Variants in WWOX observed in about 807,000 individuals in gnomAD.
WWOX encodes WW domain-containing oxidoreductase.
WWOX carries 69 observed loss-of-function variants against 46.2 expected under a neutral mutation model. The observed-to-expected ratio is 1.49, with a 90% CI of 1.23 to 1.82. The LOEUF (loss-of-function observed/expected upper bound fraction) is 1.82, where lower values mean the gene tolerates loss of function less well. Among genes scored for constraint, WWOX ranks in the 40% most tolerant of loss-of-function variants. The pLI is 0.00. For synonymous variants in WWOX, 359 were observed against 202.6 expected (o/e 1.77, Z -6.56); for missense variants, 919 against 542.6 (o/e 1.69, Z -6.89).
At chr16:79,019,116 C>G (rs1299066796) in intron 8 of WWOX, among the ~76,000 whole-genome samples, 1 of 140,390 alleles carries the variant, frequency 7.1e-6, no homozygotes, top group South Asian at 2.2e-4. Context: ...CAAGATCACA[C>G]CACTGCCTTC....
chr16:79,120,535 G>A (rs1388727075), intron 8 of WWOX, among the ~76,000 whole-genome samples: 2 of 152,066 alleles, frequency 1.3e-5, no homozygotes, highest in Non-Finnish European at 2.9e-5. Flanking sequence ...CTGTAATAAC[G>A]GCAAACTGAG....
intron 8 of WWOX, among the ~76,000 whole-genome samples, chr16:78,611,965 A>G (rs2045911027): frequency 1.3e-5 from 2 of 152,254 alleles, no homozygotes; most frequent in Non-Finnish European, 1.5e-5. Context: ...CAGAACAGCC[A>G]TACAGCCTAG....
intron 8 of WWOX, among the ~76,000 whole-genome samples, chr16:79,063,764 T>A (rs1344937046): frequency 6.6e-6 from 1 of 152,096 alleles, no homozygotes; most frequent in Non-Finnish European, 1.5e-5. Flanking sequence ...TAGCTCAAAA[T>A]AAAAATGAAA....
chr16:78,570,475 A>AT (rs1008431976), intron 8 of WWOX, among the ~76,000 whole-genome samples: 8 of 151,908 alleles, frequency 5.3e-5, no homozygotes, highest in South Asian at 2.1e-4. Context: ...TGCCTGCCTA[A>AT]TTTTTTTTAA....
intron 8 of WWOX, among the ~76,000 whole-genome samples, chr16:78,806,363 C>A (rs776581323): frequency 6.6e-6 from 1 of 152,094 alleles, no homozygotes; most frequent in Non-Finnish European, 1.5e-5. Flanking sequence ...ACAAACCACC[C>A]CCAAATTTAG....
At chr16:78,656,568 C>T (rs1292777400) in intron 8 of WWOX, among the ~76,000 whole-genome samples, 1 of 152,164 alleles carries the variant, frequency 6.6e-6, no homozygotes, top group Admixed American at 6.6e-5. Flanking sequence ...ACAACCAGAT[C>T]TGGTGAGAAC....
intron 8 of WWOX, chr16:78,496,535 T>G (rs1361796874): frequency 6.6e-6 from 1 of 152,246 alleles, no homozygotes; most frequent in Non-Finnish European, 1.5e-5. Context: ...CAAAGGTGTG[T>G]GTACCATTCT....
At chr16:78,432,786 TG>T in intron 8 of WWOX, 34 bp downstream of exon 8, 1 of 1,613,870 alleles carries the variant, frequency 6.2e-7, no homozygotes, top group East Asian at 2.2e-5. Context: ...GCAAACACCT[TG>T]GGTCCTAGAG....
rs182495771 is a variant in WWOX, at chr16:78,519,114, G to A, written c.1056+86362G>A. Among the ~76,000 whole-genome samples, 13 of 152,316 alleles carry A rather than the reference G, an allele frequency of 8.5e-5. No individual in the cohort carries two copies. In the East Asian group the frequency reaches 1.2e-3, roughly 14 times the overall value. ...CTTTGAAGTGGGGCCAGTTGGCTCC[G>A]TCTATTAGCTGTGTGGCTTTTGTGC... On this transcript the variant is annotated intron_variant, in intron 8 of 8. Coordinates refer to ENST00000566780, the MANE Select transcript of WWOX (RefSeq NM_016373.4).
chr16:78,825,629 C>A, intron 8 of WWOX: 1 of 517,514 alleles, frequency 1.9e-6, no homozygotes, highest in Non-Finnish European at 3.8e-6. Context: ...TGCGGAGGGC[C>A]TGCGATGGTG....
intron 8 of WWOX, among the ~76,000 whole-genome samples, chr16:79,067,159 T>C (rs1437504365): frequency 1.3e-5 from 2 of 152,216 alleles, no homozygotes; most frequent in Non-Finnish European, 2.9e-5. Flanking sequence ...CCAGCTTTCA[T>C]AGGGCCGGCC....
chr16:78,443,473 G>A (rs2083490694), intron 8 of WWOX, among the ~76,000 whole-genome samples: 1 of 152,016 alleles, frequency 6.6e-6, no homozygotes, highest in African/African-American at 2.4e-5. Flanking sequence ...AGGAAACATT[G>A]GCCACTTTCT....
chr16:78,175,804 T>G (rs367637313), intron 5 of WWOX, among the ~76,000 whole-genome samples: 2 of 152,334 alleles, frequency 1.3e-5, no homozygotes, highest in East Asian at 3.9e-4. Flanking sequence ...GAATTTGTGA[T>G]GTAGCGGTAG....
intron 8 of WWOX, among the ~76,000 whole-genome samples, chr16:78,439,150 G>A (rs2083394360): frequency 6.6e-6 from 1 of 152,154 alleles, no homozygotes; most frequent in Non-Finnish European, 1.5e-5. Flanking sequence ...ACAAGGCAGA[G>A]GGTGTATAAA....
chr16:78,787,933 G>C (rs2050496703), intron 8 of WWOX, among the ~76,000 whole-genome samples: 1 of 152,066 alleles, frequency 6.6e-6, no homozygotes, highest in Non-Finnish European at 1.5e-5. Flanking sequence ...TTGGTTATTT[G>C]TATCTTTTTT....
At chr16:78,915,716 A>G (rs34026040) in intron 8 of WWOX, among the ~76,000 whole-genome samples, 51,188 of 151,978 alleles carry the variant, frequency 0.34, 10,076 homozygotes, top group Admixed American at 0.46. Flanking sequence ...AAATTGCACC[A>G]GTTCTCATCC....
At chr16:79,127,114 C>T (rs1828899342) in intron 8 of WWOX, among the ~76,000 whole-genome samples, 1 of 151,114 alleles carries the variant, frequency 6.6e-6, no homozygotes, top group Admixed American at 6.6e-5. Flanking sequence ...GTTCAAAAAT[C>T]AAAAGTAGAA....
chr16:79,065,079 C>T (rs1262083320), intron 8 of WWOX, among the ~76,000 whole-genome samples: 1 of 152,118 alleles, frequency 6.6e-6, no homozygotes, highest in East Asian at 1.9e-4. Context: ...GACTCACTCT[C>T]CACTTCCCAC....
At chr16:78,787,343 C>A (rs2050482657) in intron 8 of WWOX, among the ~76,000 whole-genome samples, 1 of 152,174 alleles carries the variant, frequency 6.6e-6, no homozygotes, top group Non-Finnish European at 1.5e-5. Flanking sequence ...CTTCCCCCAG[C>A]CCCTCATAAC....
Sources: allele counts gnomAD v4.1 joint callset (sites outside exome capture counted in the v4.1 genomes callset), GRCh38; gene constraint gnomAD v4.1.1; transcripts MANE v1.5; gene names NCBI Gene and HGNC (gene_info 2026-07-23, HGNC 2026-07-21).